Variants in NFIX observed in about 807,000 individuals in gnomAD.
The protein encoded by NFIX is nuclear factor 1 X-type.
A neutral mutation model predicts 53.3 loss-of-function variants in NFIX; 2 were observed. The ratio of observed to expected loss-of-function variants is 0.04; its 90% CI spans 0.02 to 0.12. The LOEUF (loss-of-function observed/expected upper bound fraction) is 0.12, where lower values mean the gene tolerates loss of function less well. Ranked by LOEUF, NFIX falls within the 10% of genes least tolerant of loss-of-function variation. The pLI is 1.00. For missense variants in NFIX, 310 were observed against 674.5 expected (o/e 0.46, Z 5.99); for synonymous variants, 244 against 289.0 (o/e 0.84, Z 1.58).
Position 13,093,018 on chromosome 19 carries a change from C to T in NFIX, c.1495-1617C>T, listed in dbSNP as rs2018238673. Among the ~76,000 whole-genome samples the T allele has an allele frequency of 6.6e-6, 1 of 152,266 alleles. No homozygotes were observed. ...TTCTGCCCACCCAGCAGCGCCTGCTCATTGTGGCAATCCCAAACCGCCACA... is the reference window on the plus strand; with the variant it reads ...TTCTGCCCACCCAGCAGCGCCTGCTTATTGTGGCAATCCCAAACCGCCACA... On this transcript the variant is annotated intron_variant, in intron 10 of 10. Coordinates refer to ENST00000592199, the MANE Select transcript of NFIX (RefSeq NM_001365902.3). The surrounding 1 kb of genome is among the most constrained non-coding windows in gnomAD (Gnocchi z 4.7).
At position 13,094,310 on chromosome 19, in the gene NFIX, A is replaced by G. The variant is rs75653721; in HGVS notation, c.1495-325A>G. ...CCCTCCAGGACCCACACAAAAACCT[A>G]AACAATTGGAAACATGGCCAGATCT... On this transcript the variant is annotated intron_variant, in intron 10 of 10. Coordinates refer to ENST00000592199, the MANE Select transcript of NFIX (RefSeq NM_001365902.3). This position sits in a 1 kb window ranked among gnomAD's most constrained non-coding sequence, Gnocchi z 4.3. 3.1e-3 allele frequency among the ~76,000 whole-genome samples: 471 copies of G among 152,256 alleles called. 2 individuals are homozygous for G. The highest frequency in any genetic ancestry group is 0.011 in the African/African-American group (453 of 41,558).
intron 2 of NFIX, among the ~76,000 whole-genome samples, chr19:13,062,578 C>T (rs2016161682): frequency 6.6e-6 from 1 of 152,236 alleles, no homozygotes; most frequent in South Asian, 2.1e-4. Flanking sequence ...GGCCAGGTCT[C>T]TGGGGCTCTC....
chr19:13,051,918 T>C lies in NFIX; in HGVS notation c.560-21129T>C, dbSNP rs533336277. Among the ~76,000 whole-genome samples, 25 of 152,294 alleles carry C rather than the reference T, an allele frequency of 1.6e-4. No individual in the cohort carries two copies. Among genetic ancestry groups the C allele is most frequent in the Admixed American group, 1.4e-3 (22 of 15,306 alleles). ...AAGGCACTTCTTAGGCGCCGCCTCC[T>C]CCTCACAGCGCCCGCCTTCTCCGCT... On this transcript the variant is annotated intron_variant, in intron 2 of 10. Transcript: ENST00000592199. This position sits in a 1 kb window ranked among gnomAD's most constrained non-coding sequence, Gnocchi z 5.1.
intron 10 of NFIX, among the ~76,000 whole-genome samples, chr19:13,092,240 T>G (rs2018188225): frequency 6.6e-6 from 1 of 152,182 alleles, no homozygotes; most frequent in African/African-American, 2.4e-5. Flanking sequence ...TTTAGCAATT[T>G]TGTCATTCCC....
In NFIX at chr19:13,041,568, A is replaced by C. The variant is rs954237959; in HGVS notation, c.559+16016A>C. Among the ~76,000 whole-genome samples, 4 of 152,146 alleles carry C rather than the reference A, an allele frequency of 2.6e-5. No homozygotes were observed. The South Asian group carries it at 6.2e-4, about 24-fold the overall frequency. The stretch of plus-strand genomic sequence containing the variant: ...TCCCAGCACTTTGGGAGGCCGAGGC[A>C]GGCAGATCACGAGATCAGGAGTTCA... On this transcript the variant is annotated intron_variant, in intron 2 of 10. Transcript: ENST00000592199.
rs538999171 is a variant in NFIX, at chr19:13,072,234, G to C, written c.560-813G>C. ...CTTTGAGGACCAGGGGGACCAGGGTGGGGGGCTTTCCCAAGCTCAGCAAAA... is the reference window on the plus strand; with the variant it reads ...CTTTGAGGACCAGGGGGACCAGGGTCGGGGGCTTTCCCAAGCTCAGCAAAA... On this transcript the variant is annotated intron_variant, in intron 2 of 10. Transcript: ENST00000592199. The surrounding 1 kb of genome is among the most constrained non-coding windows in gnomAD (Gnocchi z 4.0). Among the ~76,000 whole-genome samples the C allele has an allele frequency of 1.3e-5, 2 of 152,322 alleles. No individual in the cohort carries two copies. Among genetic ancestry groups the C allele is most frequent in the African/African-American group, 2.4e-5 (1 of 41,566 alleles).
chr19:13,073,179 T>C lies in NFIX; in HGVS notation c.622+70T>C. On this transcript the variant is annotated intron_variant, in intron 3 of 10. Transcript: ENST00000592199. The surrounding 1 kb of genome is among the most constrained non-coding windows in gnomAD (Gnocchi z 4.5). ...CTCCACTTCCTTCCCCCACCCTGGC[T>C]GCCCTGGCCACCCTCACTTCTTCCC... 6.9e-7 allele frequency: 1 copy of C among 1,458,866 alleles called. No individual in the cohort carries two copies. The highest frequency in any genetic ancestry group is 9.6e-7 in the Non-Finnish European group (1 of 1,038,738). The allele number at this position is 1,458,866 out of a possible 1,614,324, so 90.4% of individuals were successfully genotyped here.
intron 1 of NFIX, among the ~76,000 whole-genome samples, chr19:13,010,530 C>G (rs915023355): frequency 6.6e-6 from 1 of 152,272 alleles, no homozygotes; most frequent in African/African-American, 2.4e-5. Flanking sequence ...ATCCCAACGA[C>G]ACTGGCTGGC....
chr19:13,029,826 G>A (rs2013659237), intron 2 of NFIX, among the ~76,000 whole-genome samples: 1 of 152,206 alleles, frequency 6.6e-6, no homozygotes. Context: ...TTTAGGGTTT[G>A]GGGCTTTGTA....
chr19:13,008,706 A>T (rs982256587), intron 1 of NFIX, among the ~76,000 whole-genome samples: 2 of 152,154 alleles, frequency 1.3e-5, no homozygotes, highest in African/African-American at 2.4e-5. Flanking sequence ...GAAGCCAGCC[A>T]GGCCTGCAGT....
intron 8 of NFIX, 135 bp from the exon 9 acceptor site, chr19:13,087,854 T>C: frequency 1.3e-6 from 1 of 774,462 alleles, no homozygotes; most frequent in Non-Finnish European, 1.9e-6. Flanking sequence ...TCCTGTGCCC[T>C]GGAGGAGAGG....
In NFIX at chr19:13,013,835, G is replaced by A. The variant is rs570037027; in HGVS notation, c.28-11186G>A. The A allele has an allele frequency of 1.3e-5, 2 of 152,266 alleles. No individual in the cohort carries two copies. The highest frequency in any genetic ancestry group is 2.9e-5 in the Non-Finnish European group (2 of 68,022). The allele number at this position is 152,266 out of a possible 1,614,324, so 9.4% of individuals were successfully genotyped here. On this transcript the variant is annotated intron_variant, in intron 1 of 10. Transcript: ENST00000592199. This position sits in a 1 kb window ranked among gnomAD's most constrained non-coding sequence, Gnocchi z 5.9. Reference sequence around the variant, plus strand: ...TTGCGGTCGCCCCGATTCTCTAGTAGACCCTGGCGTGGGGCACCTGAGATC... The same window carrying A: ...TTGCGGTCGCCCCGATTCTCTAGTAAACCCTGGCGTGGGGCACCTGAGATC...
chr19:13,020,948 T>G (rs1427351384), intron 1 of NFIX, among the ~76,000 whole-genome samples: 2 of 152,152 alleles, frequency 1.3e-5, no homozygotes, highest in Non-Finnish European at 2.9e-5. Context: ...TCTCTTCTAC[T>G]GTGGCACTGT....
chr19:13,046,493 A>C (rs1358628134), intron 2 of NFIX, among the ~76,000 whole-genome samples: 1 of 151,016 alleles, frequency 6.6e-6, no homozygotes, highest in Non-Finnish European at 1.5e-5. Flanking sequence ...TTGCCTTGAC[A>C]GCTCCAACCT....
In NFIX at chr19:13,009,952, C is replaced by T. The variant is rs2145150855; in HGVS notation, c.27+14088C>T. ...TTCAAACCAACAGCCTAACCCTGTC[C>T]ACACAGGTGGAGTGGCCCACCTTGG... is the stretch of plus-strand genomic sequence containing the variant. On this transcript the variant is annotated intron_variant, in intron 1 of 10. Transcript: ENST00000592199. The surrounding 1 kb of genome is among the most constrained non-coding windows in gnomAD (Gnocchi z 4.7). Among the ~76,000 whole-genome samples, 2 of 152,310 alleles carry T rather than the reference C, an allele frequency of 1.3e-5. No individual in the cohort carries two copies. Among genetic ancestry groups the T allele is most frequent in the Middle Eastern group, 6.8e-3 (2 of 294 alleles).
chr19:13,003,108 G>A (rs951702492), intron 1 of NFIX, among the ~76,000 whole-genome samples: 2 of 151,968 alleles, frequency 1.3e-5, no homozygotes, highest in Non-Finnish European at 2.9e-5. Flanking sequence ...AGTTGGGGGG[G>A]GGTTTATTCC....
At chr19:13,039,227 C>CA (rs1199092259) in intron 2 of NFIX, among the ~76,000 whole-genome samples, 13 of 144,994 alleles carry the variant, frequency 9.0e-5, no homozygotes, top group East Asian at 1.9e-4. Flanking sequence ...AACACCCCCC[C>CA]CCACACACAC....
rs961165677 is a variant in NFIX, at chr19:13,093,179, A to C, written c.1495-1456A>C. ...GCCACATTTCAAGTGCTTAGAAACC[A>C]CTTGTGGCTAGTGGCTACTGCAATG... On this transcript the variant is annotated intron_variant, in intron 10 of 10. Coordinates refer to ENST00000592199, the MANE Select transcript of NFIX (RefSeq NM_001365902.3). This position sits in a 1 kb window ranked among gnomAD's most constrained non-coding sequence, Gnocchi z 4.7. Among the ~76,000 whole-genome samples, 1 of 152,216 alleles carries C rather than the reference A, an allele frequency of 6.6e-6. No individual in the cohort carries two copies. The highest frequency in any genetic ancestry group is 2.4e-5 in the African/African-American group (1 of 41,442).
Position 13,025,533 on chromosome 19 carries a change from T to C in NFIX, c.540T>C (p.Ala180=). 6.2e-7 allele frequency: 1 copy of C among 1,612,488 alleles called. No individual in the cohort carries two copies. Among genetic ancestry groups the C allele is most frequent in the Non-Finnish European group, 8.5e-7 (1 of 1,179,024 alleles). ...TCAAAGAACTGGATCTTTATCTGGC[T>C]TACTTTGTCCACACTCCGGGTAGGT... ...VTIKELDLYL[A]YFVHTPESGQ... is the part of the protein sequence containing the mutation. Residue 180 remains alanine (A), a synonymous_variant, in exon 2 of 11, where the codon GCT becomes GCC. Coordinates refer to ENST00000592199, the MANE Select transcript of NFIX (RefSeq NM_001365902.3). The surrounding 1 kb of genome is among the most constrained non-coding windows in gnomAD (Gnocchi z 7.5).
Sources: allele counts gnomAD v4.1 joint callset (sites outside exome capture counted in the v4.1 genomes callset), GRCh38; gene constraint gnomAD v4.1.1; non-coding constraint Gnocchi (gnomAD v3.1); transcripts MANE v1.5; gene names NCBI Gene and HGNC (gene_info 2026-07-23, HGNC 2026-07-21).